FIG4: variants seen among roughly 807,000 people sequenced by gnomAD.
FIG4 encodes polyphosphoinositide phosphatase.
Under a neutral mutation model 118.6 loss-of-function variants are expected in FIG4, and 112 were observed. That is an observed-to-expected ratio of 0.94 (90% confidence interval 0.81 to 1.11). The LOEUF is 1.11. FIG4 is among the 50% of genes least tolerant of loss of function. The pLI, the probability that FIG4 is intolerant of heterozygous loss-of-function variation, is 0.00. For missense variants in FIG4, 969 were observed against 1,111.7 expected (o/e 0.87, Z 1.83); for synonymous variants, 369 against 381.2 (o/e 0.97, Z 0.37).
chr6:109,758,841 CAT>C (rs1437741327), intron 10 of FIG4, among the ~76,000 whole-genome samples: 2 of 152,202 alleles, frequency 1.3e-5, no homozygotes, highest in Admixed American at 6.5e-5. Flanking sequence ...GGCCAACAAA[CAT>C]ATGAAAAAAG....
At chr6:109,770,039 AT>A (rs1244079982) in intron 15 of FIG4, among the ~76,000 whole-genome samples, 1 of 152,130 alleles carries the variant, frequency 6.6e-6, no homozygotes, top group African/African-American at 2.4e-5. Flanking sequence ...TTTTCTATTC[AT>A]TTTAAAAACT....
At chr6:109,755,633 C>G (rs980194474) in intron 10 of FIG4, among the ~76,000 whole-genome samples, 7 of 152,138 alleles carry the variant, frequency 4.6e-5, no homozygotes, top group African/African-American at 1.7e-4. Context: ...GTATTGGGTG[C>G]ATATATATTT....
chr6:109,719,150 C>G (rs780750846), intron 3 of FIG4, among the ~76,000 whole-genome samples: 11 of 152,062 alleles, frequency 7.2e-5, no homozygotes, highest in Non-Finnish European at 1.5e-4. Flanking sequence ...AGCTCCTGGC[C>G]TCAAGCAATC....
rs1038405322 is a variant in FIG4 at position 109,789,007 on chromosome 6, T to C, written c.2097-587T>C. On this transcript the variant is annotated intron_variant, in intron 18 of 22. Coordinates refer to ENST00000230124, the MANE Select transcript of FIG4 (RefSeq NM_014845.6). ...TATTTAAAGTGTTCCGGCAGTGTTT[T>C]AATGAATTAACCTCAGCCTAATGAG... Among the ~76,000 whole-genome samples the C allele has an allele frequency of 2.0e-5, 3 of 152,376 alleles. No homozygotes were observed. In the East Asian group the frequency reaches 5.8e-4, roughly 29 times the overall value.
intron 10 of FIG4, among the ~76,000 whole-genome samples, chr6:109,744,342 C>T (rs1776415553): frequency 6.6e-6 from 1 of 152,096 alleles, no homozygotes; most frequent in Non-Finnish European, 1.5e-5. Flanking sequence ...GCATATCTAT[C>T]TATATGAATG....
intron 4 of FIG4, among the ~76,000 whole-genome samples, chr6:109,728,804 C>T (rs1024493938): frequency 3.9e-5 from 6 of 152,102 alleles, no homozygotes; most frequent in African/African-American, 1.4e-4. Context: ...CCAGACCATG[C>T]GAATCCAGGG....
chr6:109,762,261 T>C, intron 12 of FIG4, 54 bp downstream of exon 12: 1 of 1,073,956 alleles, frequency 9.3e-7, no homozygotes, highest in Non-Finnish European at 1.5e-6. Context: ...CTCTTATGGG[T>C]ATTCTAAATA....
chr6:109,805,208 A>C (rs1778531561), intron 22 of FIG4, among the ~76,000 whole-genome samples: 1 of 152,162 alleles, frequency 6.6e-6, no homozygotes, highest in Non-Finnish European at 1.5e-5. Flanking sequence ...ACAAGGGACC[A>C]TGGTTTTCTG....
chr6:109,819,235 T>C (rs1263628101), intron 22 of FIG4, among the ~76,000 whole-genome samples: 2 of 152,164 alleles, frequency 1.3e-5, no homozygotes, highest in African/African-American at 4.8e-5. Flanking sequence ...ATGGGAAACA[T>C]ACAACTGCTA....
At chr6:109,773,676 G>A (rs1256830709) in intron 15 of FIG4, among the ~76,000 whole-genome samples, 21 of 152,048 alleles carry the variant, frequency 1.4e-4, no homozygotes, top group Admixed American at 1.4e-3. Context: ...TGCTATTCTT[G>A]TTGTTTGTTT....
At chr6:109,813,200 C>A (rs1481870214) in intron 22 of FIG4, among the ~76,000 whole-genome samples, 2 of 152,126 alleles carry the variant, frequency 1.3e-5, no homozygotes, top group African/African-American at 4.8e-5. Context: ...AAAACAGAGA[C>A]CATTCCCTCC....
At chr6:109,819,313 G>A (rs1364058420) in intron 22 of FIG4, among the ~76,000 whole-genome samples, 1 of 152,226 alleles carries the variant, frequency 6.6e-6, no homozygotes, top group Non-Finnish European at 1.5e-5. Flanking sequence ...AGATAGTAGA[G>A]TGAGGTCCTT....
chr6:109,694,943 C>T (rs79950182), intron 1 of FIG4, among the ~76,000 whole-genome samples: 1 of 152,060 alleles, frequency 6.6e-6, no homozygotes, highest in African/African-American at 2.4e-5. Flanking sequence ...TTATCAAATG[C>T]TGGTGAGGAT....
At chr6:109,751,484 G>GA (rs2128388730) in intron 10 of FIG4, among the ~76,000 whole-genome samples, 1 of 152,294 alleles carries the variant, frequency 6.6e-6, no homozygotes, top group African/African-American at 2.4e-5. Flanking sequence ...GTTTCAGAAG[G>GA]AATGGTACCA....
intron 21 of FIG4, 99 bp from the exon 22 acceptor site, chr6:109,796,666 A>G (rs1475020271): frequency 3.8e-6 from 3 of 793,612 alleles, no homozygotes; most frequent in Non-Finnish European, 6.9e-6. Flanking sequence ...AAATAAGCAT[A>G]CTACTGAAAT....
At chr6:109,770,712 A>G (rs1777432338) in intron 15 of FIG4, among the ~76,000 whole-genome samples, 1 of 152,156 alleles carries the variant, frequency 6.6e-6, no homozygotes, top group Non-Finnish European at 1.5e-5. Flanking sequence ...GAGGTGCCAC[A>G]CACTTTTAAA....
intron 15 of FIG4, among the ~76,000 whole-genome samples, chr6:109,771,527 G>A (rs1777462293): frequency 7.5e-6 from 1 of 133,976 alleles, no homozygotes; most frequent in South Asian, 2.3e-4. Flanking sequence ...GGAGTGCAGT[G>A]GCACTATCTC....
At position 109,766,663 on chromosome 6, in the gene FIG4, T is replaced by G. The variant is rs911129121; in HGVS notation, c.1584-66T>G. 1.2e-5 allele frequency: 17 copies of G among 1,366,812 alleles called. No homozygotes were observed. In the Admixed American group the frequency reaches 1.9e-4, roughly 15 times the overall value. The allele number at this position is 1,366,812 out of a possible 1,614,324, so 84.7% of individuals were successfully genotyped here. A position where few individuals can be genotyped will look rare whatever the true frequency, so the allele number is the denominator to read the frequency against. ...TAAAGTATAAGACTTGTTTGGAGTT[T>G]GGCTAAGTGAATAACTTGTGCTTTG... On this transcript the variant is annotated intron_variant, in intron 14 of 22. Transcript: ENST00000230124.
intron 10 of FIG4, among the ~76,000 whole-genome samples, chr6:109,756,050 G>T (rs1455882813): frequency 5.3e-5 from 8 of 152,204 alleles, no homozygotes; most frequent in African/African-American, 4.8e-5. Context: ...TTTACATTTT[G>T]ACATGATTTT....
Sources: allele counts gnomAD v4.1 joint callset (sites outside exome capture counted in the v4.1 genomes callset), GRCh38; gene constraint gnomAD v4.1.1; transcripts MANE v1.5; gene names NCBI Gene and HGNC (gene_info 2026-07-23, HGNC 2026-07-21).